ZFYVE19: variants seen among roughly 807,000 people sequenced by gnomAD.
ZFYVE19 encodes abscission/NoCut checkpoint regulator.
ZFYVE19 carries 49 observed loss-of-function variants against 62.8 expected under a neutral mutation model. The ratio of observed to expected loss-of-function variants is 0.78; its 90% CI spans 0.62 to 0.99. The LOEUF is 0.99. ZFYVE19 is among the 50% of genes least tolerant of loss of function. ZFYVE19 has a pLI of 0.00. For synonymous variants in ZFYVE19, 242 were observed against 234.3 expected, an observed-to-expected ratio of 1.03 and a Z score of -0.30; for missense variants, 630 against 601.9, an observed-to-expected ratio of 1.05 and a Z score of -0.49.
At position 40,810,702 on chromosome 15, in the gene ZFYVE19, A is replaced by C. The variant is rs147650406; in HGVS notation, c.771A>C (p.Leu257=). The change falls in exon 6 of 11, where the codon CTA becomes CTC. Residue 257 remains leucine (L), a synonymous_variant. Coordinates refer to ENST00000355341, the MANE Select transcript of ZFYVE19 (RefSeq NM_001077268.2). ...AAGCCCAGCAGACACAGGATCTGCTAACGCAGCTGGCAGCTGAGGTGGCTA... is the reference window on the plus strand; with the variant it reads ...AAGCCCAGCAGACACAGGATCTGCTCACGCAGCTGGCAGCTGAGGTGGCTA... ...RTQAQQTQDL[L]TQLAAEVAID... is the part of the protein sequence containing the mutation. 7,322 of 1,577,698 alleles carry C rather than the reference A, an allele frequency of 4.6e-3. 25 individuals are homozygous for C. The highest frequency in any genetic ancestry group is 5.8e-3 in the Non-Finnish European group (6,722 of 1,161,540).
Position 40,807,606 on chromosome 15 carries a change from A to G in ZFYVE19, c.17A>G (p.Gln6Arg). 6.2e-7 allele frequency: 1 copy of G among 1,612,860 alleles called. No homozygotes were observed. The highest frequency in any genetic ancestry group is 1.1e-5 in the South Asian group (1 of 90,934). ...CAGTCGTGAATGAACTACGACTCCC[A>G]GCAGCCCCCGTTGCCGCCGCTGCCG... is the stretch of plus-strand genomic sequence containing the variant. Reference protein sequence around the residue: MNYDSQQPPLPPLPYA... With the variant: MNYDSRQPPLPPLPYA... Residue 6 changes from glutamine (Q) to arginine (R), a missense_variant, in exon 1 of 11, where the codon CAG becomes CGG. Transcript: ENST00000355341.
Position 40,810,707 on chromosome 15 carries a change from A to C in ZFYVE19, c.776A>C (p.Gln259Pro). 1.3e-6 allele frequency: 2 copies of C among 1,575,598 alleles called. No individual in the cohort carries two copies. The highest frequency in any genetic ancestry group is 2.7e-5 in the African/African-American group (2 of 74,380). Residue 259 changes from glutamine (Q) to proline (P), a missense_variant, in exon 6 of 11, where the codon CAG becomes CCG. Coordinates refer to ENST00000355341, the MANE Select transcript of ZFYVE19 (RefSeq NM_001077268.2). ...CAGCAGACACAGGATCTGCTAACGC[A>C]GCTGGCAGCTGAGGTGGCTATCGAT... ...QAQQTQDLLTQLAAEVAIDES... is the reference protein window; with the variant it reads ...QAQQTQDLLTPLAAEVAIDES...
In ZFYVE19 at chr15:40,807,805, G is replaced by A; in HGVS notation, c.216G>A (p.Leu72=). 6.4e-7 allele frequency: 1 copy of A among 1,556,268 alleles called. No homozygotes were observed. ...RDLSSADPAV[L]GATMESRCYG... Reference sequence around the variant, plus strand: ...TCAGCTCTGCAGACCCTGCGGTGCTGGGAGCCACCATGGAGAGTAGGTGCT... The same window carrying A: ...TCAGCTCTGCAGACCCTGCGGTGCTAGGAGCCACCATGGAGAGTAGGTGCT... Residue 72 remains leucine (L), a synonymous_variant, in exon 1 of 11, where the codon CTG becomes CTA. Transcript: ENST00000355341.
At chr15:40,812,545 CAAA>C (rs373468873) in intron 6 of ZFYVE19, among the ~76,000 whole-genome samples, 151 bp from the exon 7 acceptor site, 34 of 46,614 alleles carry the variant, frequency 7.3e-4, no homozygotes, top group Middle Eastern at 0.014. Flanking sequence ...GACTCCATCT[CAAA>C]AAAAAAAAAA....
chr15:40,807,641 T>G lies in ZFYVE19; in HGVS notation c.52T>G (p.Cys18Gly). 1 of 1,613,036 alleles carries G rather than the reference T, an allele frequency of 6.2e-7. No homozygotes were observed. The highest frequency in any genetic ancestry group is 8.5e-7 in the Non-Finnish European group (1 of 1,179,794). ...GTTGCCGCCGCTGCCGTACGCTGGC[T>G]GCAGGAGAGCGTCCGGATTCCCTGC... ...PPLPPLPYAG[C>G]RRASGFPALG... The change falls in exon 1 of 11, where the codon TGC becomes GGC. Residue 18 changes from cysteine to glycine, a missense_variant. Coordinates refer to ENST00000355341, the MANE Select transcript of ZFYVE19 (RefSeq NM_001077268.2).
At position 40,810,068 on chromosome 15, in the gene ZFYVE19, C is replaced by T. The variant is rs1234447312; in HGVS notation, c.572-3C>T. The stretch of plus-strand genomic sequence containing the variant: ...TACAAGGCTCCCCCCATGCCAATTG[C>T]AGAGTTAGTCCCCTCACAGGCAGAG... On this transcript the variant is annotated splice_polypyrimidine_tract_variant and splice_region_variant and intron_variant, in intron 4 of 10. Coordinates refer to ENST00000355341, the MANE Select transcript of ZFYVE19 (RefSeq NM_001077268.2). 3.7e-6 allele frequency: 6 copies of T among 1,614,186 alleles called. No individual in the cohort carries two copies. The highest frequency in any genetic ancestry group is 4.2e-6 in the Non-Finnish European group (5 of 1,180,010).
At chr15:40,812,073 A>G (rs912560556) in intron 6 of ZFYVE19, among the ~76,000 whole-genome samples, 2 of 152,188 alleles carry the variant, frequency 1.3e-5, no homozygotes, top group Non-Finnish European at 2.9e-5. Context: ...AAACCATAGG[A>G]CGCCCACCCT....
Position 40,809,458 on chromosome 15 carries a change from A to T in ZFYVE19, c.452A>T (p.Lys151Met). 6.2e-7 allele frequency: 1 copy of T among 1,614,194 alleles called. No homozygotes were observed. Among genetic ancestry groups the T allele is most frequent in the African/African-American group, 1.3e-5 (1 of 75,068 alleles). ...SKWSPPQNYK[K>M]RVAALEAKQK... ...TGGTCACCACCTCAGAACTATAAGA[A>T]GTAAGTGCTGAAGAGAAAAAGACAA... Residue 151 changes from lysine to methionine, a missense_variant and splice_region_variant, in exon 3 of 11, where the codon AAG becomes ATG. Coordinates refer to ENST00000355341, the MANE Select transcript of ZFYVE19 (RefSeq NM_001077268.2).
chr15:40,809,040 T>C, intron 1 of ZFYVE19, 79 bp from the exon 2 acceptor site: 1 of 1,577,314 alleles, frequency 6.3e-7, no homozygotes, highest in Non-Finnish European at 8.7e-7. Flanking sequence ...GACTTCTCTC[T>C]GTGTGTGCTT....
In ZFYVE19 at chr15:40,807,679, C is replaced by G. The variant is rs763545301; in HGVS notation, c.90C>G (p.Gly30=). 1.2e-6 allele frequency: 2 copies of G among 1,609,864 alleles called. No individual in the cohort carries two copies. The highest frequency in any genetic ancestry group is 1.7e-5 in the Admixed American group (1 of 59,670). ...CCGGATTCCCTGCTCTAGGTCGCGGCGGGACAGTGCCAGTGGGCGTGTGGG... is the reference window on the plus strand; with the variant it reads ...CCGGATTCCCTGCTCTAGGTCGCGGGGGGACAGTGCCAGTGGGCGTGTGGG... ...RASGFPALGR[G]GTVPVGVWGG... Residue 30 remains glycine, a synonymous_variant, in exon 1 of 11, where the codon GGC becomes GGG. Transcript: ENST00000355341.
intron 3 of ZFYVE19, 92 bp from the exon 4 acceptor site, chr15:40,809,760 G>C (rs1459631239): frequency 2.1e-6 from 3 of 1,413,344 alleles, no homozygotes. Flanking sequence ...TAAGTGCCCA[G>C]AAATGATTTG....
rs754283347 is a variant in ZFYVE19, at chr15:40,813,936, C to T, written c.1210-7C>T. The T allele has an allele frequency of 2.9e-5, 47 of 1,601,706 alleles. No homozygotes were observed. The highest frequency in any genetic ancestry group is 3.7e-5 in the Non-Finnish European group (44 of 1,173,678). On this transcript the variant is annotated splice_region_variant and splice_polypyrimidine_tract_variant and intron_variant, in intron 9 of 10. Coordinates refer to ENST00000355341, the MANE Select transcript of ZFYVE19 (RefSeq NM_001077268.2). ...TTACTTCCTCCATTCCTCTCTGATC[C>T]CTGAAGGCCCAGGATGTGGACCCCA...
chr15:40,813,377 A>T lies in ZFYVE19; in HGVS notation c.1070A>T (p.Asp357Val). 1 of 1,612,364 alleles carries T rather than the reference A, an allele frequency of 6.2e-7. No homozygotes were observed. The highest frequency in any genetic ancestry group is 1.1e-5 in the South Asian group (1 of 90,588). Residue 357 changes from aspartate (D) to valine (V), a missense_variant, in exon 8 of 11, where the codon GAC becomes GTC. Transcript: ENST00000355341. Reference sequence around the variant, plus strand: ...TATCGCCTCCCAGACAGTGATGACGACGAGGATGAGGAGACAGCCATCCAA... The same window carrying T: ...TATCGCCTCCCAGACAGTGATGACGTCGAGGATGAGGAGACAGCCATCCAA... ...QDYRLPDSDDDEDEETAIQRV... is the reference protein window; with the variant it reads ...QDYRLPDSDDVEDEETAIQRV...
In ZFYVE19 at chr15:40,807,261, C is replaced by A; in HGVS notation, c.-329C>A. Reference sequence around the variant, plus strand: ...CATAGCGCCGACCCTCGCTCCCCGCCCAGGACCCGAATGAACCTGGAGAGC... The same window carrying A: ...CATAGCGCCGACCCTCGCTCCCCGCACAGGACCCGAATGAACCTGGAGAGC... On this transcript the variant is annotated 5_prime_UTR_variant, in exon 1 of 11. Coordinates refer to ENST00000355341, the MANE Select transcript of ZFYVE19 (RefSeq NM_001077268.2). The A allele has an allele frequency of 6.3e-7, 1 of 1,598,804 alleles. No homozygotes were observed. The highest frequency in any genetic ancestry group is 1.3e-5 in the African/African-American group (1 of 74,728).
At position 40,810,660 on chromosome 15, in the gene ZFYVE19, A is replaced by AC; in HGVS notation, c.731dup (p.Asp245GlyfsTer19). 7 of 1,568,960 alleles carry AC rather than the reference A, an allele frequency of 4.5e-6. No individual in the cohort carries two copies. The highest frequency in any genetic ancestry group is 6.1e-6 in the Non-Finnish European group (7 of 1,156,762). ...CCTCGTCTGTGCAGGCACATCACAC[A>AC]CCGGACACCAGGACCCAAGCCCAGC... On this transcript the variant is annotated frameshift_variant, in exon 6 of 11. Transcript: ENST00000355341. LOFTEE classifies it high-confidence loss of function.
chr15:40,809,569 TCTCTCCTCTCTGG>T, intron 3 of ZFYVE19, 111 bp downstream of exon 3: 2 of 1,350,076 alleles, frequency 1.5e-6, no homozygotes, highest in Non-Finnish European at 2.1e-6. Context: ...TCAGGAGAAT[TCTCTCCTCTCTGG>T]CTCCTGACTG....
rs1377101658 is a variant in ZFYVE19, at chr15:40,808,981, AG to A, written c.280-134del. The A allele has an allele frequency of 3.2e-6, 4 of 1,245,628 alleles. No individual in the cohort carries two copies. The African/African-American group carries it at 4.5e-5, about 14-fold the overall frequency. The allele number at this position is 1,245,628 out of a possible 1,614,324, so 77.2% of individuals were successfully genotyped here. A position where few individuals can be genotyped will look rare whatever the true frequency, so the allele number is the denominator to read the frequency against. ...GCTTTACTCACCATCCCTAGGCCTTAGGGGCCCCACTCCTCTTCTTCCTCCC... is the reference window on the plus strand; with the variant it reads ...GCTTTACTCACCATCCCTAGGCCTTAGGGCCCCACTCCTCTTCTTCCTCCC... On this transcript the variant is annotated intron_variant, in intron 1 of 10. Coordinates refer to ENST00000355341, the MANE Select transcript of ZFYVE19 (RefSeq NM_001077268.2).
Position 40,812,939 on chromosome 15 carries a change from T to A in ZFYVE19, c.1030+37T>A, listed in dbSNP as rs777068505. The A allele has an allele frequency of 3.1e-6, 5 of 1,600,780 alleles. No homozygotes were observed. The African/African-American group carries it at 6.7e-5, about 21-fold the overall frequency. ...GGAGCAGCTGCTCACTGGTATCCCT[T>A]GGTCAAGGCCTCCCTGGCAGGGCTG... is the stretch of plus-strand genomic sequence containing the variant. On this transcript the variant is annotated intron_variant, in intron 7 of 10. Transcript: ENST00000355341.
intron 1 of ZFYVE19, chr15:40,808,351 C>A: frequency 5.0e-6 from 8 of 1,597,630 alleles, no homozygotes; most frequent in Non-Finnish European, 6.8e-6. Context: ...CTATCACAGA[C>A]CTGCCAGATT....
Sources: gnomAD v4.1 joint callset for allele counts (sites outside exome capture counted in the v4.1 genomes callset) on GRCh38, gnomAD v4.1.1 for gene constraint, MANE v1.5 for transcripts, NCBI Gene and HGNC (gene_info 2026-07-23, HGNC 2026-07-21) for gene names.